HECW2: variants seen among roughly 807,000 people sequenced by gnomAD.
HECW2 encodes E3 ubiquitin-protein ligase HECW2.
In HECW2, 61 loss-of-function variants were observed where a neutral mutation model predicts 175.2. That is an observed-to-expected ratio of 0.35 (90% CI 0.28 to 0.43). HECW2 has a LOEUF of 0.43. Among genes scored for constraint, HECW2 ranks in the 20% least tolerant of loss-of-function variants. The probability of loss-of-function intolerance (pLI) is 1.00; values close to 1 mark genes in which losing one functional copy is unlikely to be tolerated. For missense variants in HECW2, 1,524 were observed against 2,000.5 expected, an observed-to-expected ratio of 0.76 and a Z score of 4.54; for synonymous variants, 671 against 731.0, an observed-to-expected ratio of 0.92 and a Z score of 1.32.
rs543427429 is a variant in HECW2, at chr2:196,502,745, T to C, written c.-35-69287A>G. The stretch of plus-strand genomic sequence containing the variant: ...AGCAACTATGGACGGTCCCGCCCAA[T>C]GGAGCTCATGTGTGGTGGGACAGGC... On this transcript the variant is annotated intron_variant, in intron 1 of 28. Transcript: ENST00000644978. 2.0e-5 allele frequency among the ~76,000 whole-genome samples: 3 copies of C among 152,216 alleles called. No homozygotes were observed. In the South Asian group the frequency reaches 6.2e-4, roughly 32 times the overall value.
intron 4 of HECW2, chr2:196,331,414 C>T (rs907661662): frequency 8.3e-5 from 33 of 399,698 alleles, no homozygotes; most frequent in Non-Finnish European, 1.0e-4. Flanking sequence ...CGGTAACCTG[C>T]CATTCCTTCT....
At chr2:196,504,651 T>A (rs1411353382) in intron 1 of HECW2, among the ~76,000 whole-genome samples, 1 of 152,194 alleles carries the variant, frequency 6.6e-6, no homozygotes. Flanking sequence ...TCATAAGAAT[T>A]CAAGACCATT....
chr2:196,587,389 C>T (rs1691020279), intron 1 of HECW2, among the ~76,000 whole-genome samples: 1 of 152,198 alleles, frequency 6.6e-6, no homozygotes, highest in Non-Finnish European at 1.5e-5. Flanking sequence ...TTTCCATTTG[C>T]ACTTTTCAAT....
At chr2:196,337,594 A>G (rs1692598439) in intron 3 of HECW2, among the ~76,000 whole-genome samples, 1 of 150,954 alleles carries the variant, frequency 6.6e-6, no homozygotes, top group South Asian at 2.1e-4. Flanking sequence ...TATAAAATAT[A>G]TATTTGTATA....
At chr2:196,347,445 T>C (rs1692999394) in intron 2 of HECW2, among the ~76,000 whole-genome samples, 1 of 152,022 alleles carries the variant, frequency 6.6e-6, no homozygotes, top group African/African-American at 2.4e-5. Context: ...CTCCTGACCT[T>C]GGGTGATCAG....
chr2:196,408,993 T>G (rs1372082839), intron 2 of HECW2, among the ~76,000 whole-genome samples: 1 of 152,238 alleles, frequency 6.6e-6, no homozygotes, highest in Non-Finnish European at 1.5e-5. Context: ...TGCGGGAGTC[T>G]ATTGTTAACT....
At chr2:196,404,203 G>A (rs1457354724) in intron 2 of HECW2, among the ~76,000 whole-genome samples, 1 of 152,156 alleles carries the variant, frequency 6.6e-6, no homozygotes, top group Non-Finnish European at 1.5e-5. Context: ...CATGGCACTT[G>A]AGTTGGAGAC....
Position 196,387,883 on chromosome 2 carries a change from T to G in HECW2, c.293-44119A>C, listed in dbSNP as rs143970130. Among the ~76,000 whole-genome samples the G allele has an allele frequency of 6.6e-5, 10 of 152,312 alleles. No individual in the cohort carries two copies. The East Asian group carries it at 1.9e-3, about 29-fold the overall frequency. On this transcript the variant is annotated intron_variant, in intron 2 of 28. Coordinates refer to ENST00000644978, the MANE Select transcript of HECW2 (RefSeq NM_001348768.2). ...AATATCATTTAGCAACCTCCGTATT[T>G]CATTGAAGAGTAGCAGCAGTAAATA...
At chr2:196,420,040 C>T (rs1235807829) in intron 2 of HECW2, among the ~76,000 whole-genome samples, 1 of 152,166 alleles carries the variant, frequency 6.6e-6, no homozygotes, top group South Asian at 2.1e-4. Flanking sequence ...TTGTTTTACA[C>T]ATTTTGATGA....
chr2:196,265,328 T>C (rs571626295), intron 17 of HECW2, among the ~76,000 whole-genome samples: 10 of 152,104 alleles, frequency 6.6e-5, no homozygotes, highest in African/African-American at 2.2e-4. Flanking sequence ...CTACTGAAAA[T>C]ACAAAAATTA....
intron 16 of HECW2, among the ~76,000 whole-genome samples, chr2:196,272,837 T>C (rs11898010): frequency 0.27 from 41,377 of 151,798 alleles, 6,001 homozygotes; most frequent in African/African-American, 0.38. Flanking sequence ...TAAGCAACAA[T>C]TTTATAGTGC....
chr2:196,452,267 A>G (rs984730948), intron 1 of HECW2, among the ~76,000 whole-genome samples: 3 of 152,256 alleles, frequency 2.0e-5, no homozygotes, highest in Non-Finnish European at 2.9e-5. Context: ...CATATTGATC[A>G]TAAGTTTTTA....
chr2:196,490,527 C>A (rs960200559), intron 1 of HECW2, among the ~76,000 whole-genome samples: 1 of 152,170 alleles, frequency 6.6e-6, no homozygotes, highest in African/African-American at 2.4e-5. Context: ...AGAAAAGTCA[C>A]TCTGGAAAAT....
chr2:196,278,395 T>C, intron 15 of HECW2, 133 bp downstream of exon 15: 1 of 949,608 alleles, frequency 1.1e-6, no homozygotes, highest in Non-Finnish European at 1.5e-6. Context: ...TCGAAAGCTT[T>C]TCAGCCTCTA....
intron 1 of HECW2, among the ~76,000 whole-genome samples, chr2:196,592,296 T>C (rs1341933482): frequency 1.3e-5 from 2 of 152,188 alleles, no homozygotes; most frequent in Non-Finnish European, 2.9e-5. Flanking sequence ...AAGTTTAATA[T>C]CGATTGAACC....
chr2:196,362,767 C>A (rs1693633687), intron 2 of HECW2, among the ~76,000 whole-genome samples: 1 of 152,180 alleles, frequency 6.6e-6, no homozygotes. Flanking sequence ...AATCCCCAGT[C>A]CAGATCCACC....
At chr2:196,254,603 T>C (rs1480482269) in intron 18 of HECW2, among the ~76,000 whole-genome samples, 1 of 152,214 alleles carries the variant, frequency 6.6e-6, no homozygotes, top group Non-Finnish European at 1.5e-5. Flanking sequence ...TTCTTTCTTC[T>C]CCATACTGAA....
chr2:196,346,957 G>A (rs1009931385), intron 2 of HECW2, among the ~76,000 whole-genome samples: 2 of 145,138 alleles, frequency 1.4e-5, no homozygotes, highest in Non-Finnish European at 3.0e-5. Context: ...GCAGTGAGCC[G>A]AGATCACGCC....
chr2:196,587,125 T>C (rs959662860), intron 1 of HECW2, among the ~76,000 whole-genome samples: 1 of 152,250 alleles, frequency 6.6e-6, no homozygotes, highest in Non-Finnish European at 1.5e-5. Flanking sequence ...AATAGAATTA[T>C]AATCTCTTAC....
Sources: allele counts gnomAD v4.1 joint callset (sites outside exome capture counted in the v4.1 genomes callset), GRCh38; gene constraint gnomAD v4.1.1; transcripts MANE v1.5; gene names NCBI Gene and HGNC (gene_info 2026-07-23, HGNC 2026-07-21).